Variants in IPO11 observed in about 807,000 individuals in gnomAD.
IPO11 encodes importin-11.
IPO11 carries 66 observed loss-of-function variants against 143.2 expected under a neutral mutation model. The ratio of observed to expected loss-of-function variants is 0.46; its 90% CI spans 0.38 to 0.57. The LOEUF is 0.57. IPO11 is among the 20% of genes least tolerant of loss of function. The pLI, the probability that IPO11 is intolerant of heterozygous loss-of-function variation, is 0.00. For synonymous variants in IPO11, 385 were observed against 377.8 expected (o/e 1.02, Z -0.22); for missense variants, 1,026 against 1,141.0 (o/e 0.90, Z 1.45).
At chr5:62,548,059 T>C (rs1408032998) in intron 24 of IPO11, among the ~76,000 whole-genome samples, 1 of 144,162 alleles carries the variant, frequency 6.9e-6, no homozygotes, top group African/African-American at 2.9e-5. Context: ...TTGTTAATTG[T>C]AGGCAGTATG....
At chr5:62,427,949 A>G (rs1404431863) in intron 1 of IPO11, among the ~76,000 whole-genome samples, 2 of 152,224 alleles carry the variant, frequency 1.3e-5, no homozygotes, top group Non-Finnish European at 2.9e-5. Flanking sequence ...GTGCAGGGAC[A>G]GATATGCTAA....
At chr5:62,607,214 C>A (rs1029219782) in intron 29 of IPO11, among the ~76,000 whole-genome samples, 1 of 152,158 alleles carries the variant, frequency 6.6e-6, no homozygotes, top group African/African-American at 2.4e-5. Context: ...ACTTTTGGAT[C>A]TAGAAGCTTT....
intron 22 of IPO11, 78 bp downstream of exon 22, chr5:62,530,863 C>T (rs979403141): frequency 9.1e-7 from 1 of 1,103,166 alleles, no homozygotes; most frequent in Non-Finnish European, 1.4e-6. Flanking sequence ...AATTTGGAGG[C>T]ATTACAACAA....
chr5:62,470,816 C>CTGTTTTTTTTTT (rs1198613339), intron 7 of IPO11, among the ~76,000 whole-genome samples: 1 of 62,536 alleles, frequency 1.6e-5, no homozygotes, highest in African/African-American at 6.8e-5. Flanking sequence ...TAGCCATCTT[C>CTGTTTTTTTTTT]TTTTTTTTTT....
chr5:62,508,777 C>G (rs971472814), intron 19 of IPO11, among the ~76,000 whole-genome samples: 1 of 152,042 alleles, frequency 6.6e-6, no homozygotes, highest in African/African-American at 2.4e-5. Flanking sequence ...CCCAACAGGC[C>G]CCGGTGTGAG....
intron 27 of IPO11, chr5:62,579,387 T>A (rs1269337151): frequency 6.6e-7 from 1 of 1,512,504 alleles, no homozygotes; most frequent in East Asian, 2.5e-5. Context: ...AAGCTTTACC[T>A]TCTCTTTTTA....
chr5:62,458,714 T>C (rs1166855390), intron 5 of IPO11, among the ~76,000 whole-genome samples: 1 of 152,194 alleles, frequency 6.6e-6, no homozygotes, highest in Non-Finnish European at 1.5e-5. Context: ...CTTATATTAG[T>C]ATCAAGGTGA....
chr5:62,556,855 C>G (rs947325234), intron 26 of IPO11, among the ~76,000 whole-genome samples: 7 of 152,054 alleles, frequency 4.6e-5, no homozygotes, highest in African/African-American at 1.7e-4. Context: ...TCCTTGCTCT[C>G]CTAGTCTTGG....
At position 62,483,945 on chromosome 5, in the gene IPO11, T is replaced by A. The variant is rs188798146; in HGVS notation, c.1022-65T>A. ...AGAGTGTATTTTTTATTTATTTAAG[T>A]TACATAATCCAATGTAGCTACAATG... On this transcript the variant is annotated intron_variant, in intron 10 of 29. Transcript: ENST00000325324. The A allele has an allele frequency of 9.8e-6, 13 of 1,329,734 alleles. No homozygotes were observed. In the African/African-American group the frequency reaches 1.7e-4, roughly 17 times the overall value. The allele number at this position is 1,329,734 out of a possible 1,614,324, so 82.4% of individuals were successfully genotyped here.
intron 27 of IPO11, among the ~76,000 whole-genome samples, chr5:62,572,398 C>T (rs32151): frequency 0.11 from 16,826 of 151,928 alleles, 1,116 homozygotes; most frequent in African/African-American, 0.18. Flanking sequence ...GATACTTATC[C>T]GGAAGAGATG....
chr5:62,513,186 C>G (rs1416029177), intron 19 of IPO11, among the ~76,000 whole-genome samples: 1 of 151,740 alleles, frequency 6.6e-6, no homozygotes, highest in Admixed American at 6.5e-5. Context: ...CCTCAGCTCC[C>G]GGACCGGGTG....
chr5:62,604,199 T>G (rs962494349), intron 29 of IPO11, among the ~76,000 whole-genome samples: 3 of 152,154 alleles, frequency 2.0e-5, no homozygotes, highest in South Asian at 2.1e-4. Context: ...TTAAACTGTT[T>G]TGTGGTTGTT....
chr5:62,413,345 A>G (rs532365051), intron 1 of IPO11: 1 of 152,332 alleles, frequency 6.6e-6, no homozygotes, highest in Admixed American at 6.5e-5. Context: ...CTTGTTGCTA[A>G]TAGCAATAGT....
chr5:62,517,283 G>A (rs188728231), intron 20 of IPO11, among the ~76,000 whole-genome samples: 19 of 152,160 alleles, frequency 1.2e-4, no homozygotes, highest in African/African-American at 4.3e-4. Flanking sequence ...GATTATGTCC[G>A]TTTTATAGAA....
rs549723434 is a variant in IPO11, at chr5:62,449,403, C to T, written c.240-524C>T. Among the ~76,000 whole-genome samples, 3 of 152,226 alleles carry T rather than the reference C, an allele frequency of 2.0e-5. No individual in the cohort carries two copies. The South Asian group carries it at 6.2e-4, about 32-fold the overall frequency. On this transcript the variant is annotated intron_variant, in intron 3 of 29. Transcript: ENST00000325324. ...GTTGATTTCTGATAAGTCACCCATC[C>T]CAGATATTCCCTGATTCTGAATCTC...
intron 27 of IPO11, among the ~76,000 whole-genome samples, chr5:62,575,475 T>G (rs1580341308): frequency 2.0e-5 from 3 of 152,286 alleles, no homozygotes; most frequent in Non-Finnish European, 4.4e-5. Context: ...TTCCTCAGTC[T>G]TTTCTTTTTC....
chr5:62,544,044 G>A (rs1743057584), intron 24 of IPO11, among the ~76,000 whole-genome samples: 1 of 151,990 alleles, frequency 6.6e-6, no homozygotes, highest in African/African-American at 2.4e-5. Flanking sequence ...ATTGCACTGT[G>A]GTCTGAGAGA....
intron 20 of IPO11, among the ~76,000 whole-genome samples, chr5:62,518,398 C>A (rs564394292): frequency 1.3e-5 from 2 of 151,596 alleles, no homozygotes; most frequent in South Asian, 4.2e-4. Flanking sequence ...GAGCTGAGAT[C>A]GCGCCACTGT....
chr5:62,529,277 A>G (rs1234218485), intron 21 of IPO11, among the ~76,000 whole-genome samples: 2 of 152,142 alleles, frequency 1.3e-5, no homozygotes, highest in Non-Finnish European at 2.9e-5. Context: ...AGGCAGCAGT[A>G]TCAGCTATAT....
Sources: allele counts gnomAD v4.1 joint callset (sites outside exome capture counted in the v4.1 genomes callset), GRCh38; gene constraint gnomAD v4.1.1; transcripts MANE v1.5; gene names NCBI Gene and HGNC (gene_info 2026-07-23, HGNC 2026-07-21).